PHF19: variants seen among roughly 807,000 people sequenced by gnomAD.
PHF19 encodes the protein polycomb like 3.
In PHF19, 21 loss-of-function variants were observed where a neutral mutation model predicts 79.8. The observed-to-expected ratio is 0.26, with a 90% confidence interval of 0.19 to 0.38. The LOEUF (loss-of-function observed/expected upper bound fraction) is 0.38, where lower values mean the gene tolerates loss of function less well. Ranked by LOEUF, PHF19 falls within the 10% of genes least tolerant of loss-of-function variation. PHF19 has a pLI of 1.00. For missense variants in PHF19, 445 were observed against 744.2 expected (o/e 0.60, Z 4.68); for synonymous variants, 273 against 296.3 (o/e 0.92, Z 0.81).
At chr9:120,882,483 T>A (rs1329308135) in intron 1 of PHF19, among the ~76,000 whole-genome samples, 5 of 152,254 alleles carry the variant, frequency 3.3e-5, no homozygotes, top group Non-Finnish European at 7.3e-5. Context: ...ACAGTCATTA[T>A]TTTGAGAGAA....
intron 1 of PHF19, among the ~76,000 whole-genome samples, chr9:120,889,425 C>CAA (rs35061787): frequency 1.8e-4 from 18 of 100,226 alleles, no homozygotes; most frequent in African/African-American, 6.2e-4. Flanking sequence ...GTCTCCATCT[C>CAA]AAAAAAAAAA....
At position 120,869,456 on chromosome 9, in the gene PHF19, AG is replaced by A; in HGVS notation, c.466-127del. 7 of 1,328,426 alleles carry A rather than the reference AG, an allele frequency of 5.3e-6. No individual in the cohort carries two copies. Among genetic ancestry groups the A allele is most frequent in the Non-Finnish European group, 7.0e-6 (7 of 993,838 alleles). 82.3% of individuals were successfully genotyped at this position (1,328,426 alleles called of 1,614,324 possible). A position where few individuals can be genotyped will look rare whatever the true frequency, so the allele number is the denominator to read the frequency against. ...GACCCGCAGATATTCCAATATAGTC[AG>A]AAAAGCAAGGAGCTTTTTCTCATTA... On this transcript the variant is annotated intron_variant, in intron 5 of 14. Coordinates refer to ENST00000373896, the MANE Select transcript of PHF19 (RefSeq NM_015651.3). This position sits in a 1 kb window ranked among gnomAD's most constrained non-coding sequence, Gnocchi z 5.8.
At chr9:120,872,330 A>G (rs971529058) in intron 3 of PHF19, among the ~76,000 whole-genome samples, 2 of 152,194 alleles carry the variant, frequency 1.3e-5, no homozygotes, top group South Asian at 4.1e-4. Context: ...TCTGCCCGGA[A>G]GGGGCAGTTC....
At chr9:120,863,078 G>A (rs900784282) in intron 10 of PHF19, 8 of 308,930 alleles carry the variant, frequency 2.6e-5, no homozygotes, top group Non-Finnish European at 4.4e-5. Flanking sequence ...CTATGGTCAA[G>A]ATACTGGAAT....
chr9:120,880,885 A>G (rs948844000), upstream of PHF19, among the ~76,000 whole-genome samples: 4 of 151,622 alleles, frequency 2.6e-5, no homozygotes, highest in Non-Finnish European at 4.4e-5. Flanking sequence ...GATTGAGCCC[A>G]GGAGTTTGAG....
chr9:120,861,082 C>A lies in PHF19; in HGVS notation c.1304+7G>T. 1.3e-6 allele frequency: 2 copies of A among 1,550,198 alleles called. No individual in the cohort carries two copies. Among genetic ancestry groups the A allele is most frequent in the Non-Finnish European group, 1.8e-6 (2 of 1,121,618 alleles). ...GCAGACCTCTGTGCTAGGTCCCTCA[C>A]TGATACCTTTTTAAACTTTGAATTT... On this transcript the variant is annotated splice_region_variant and intron_variant, in intron 13 of 14. Coordinates refer to ENST00000373896, the MANE Select transcript of PHF19 (RefSeq NM_015651.3).
chr9:120,866,986 A>G lies in PHF19; in HGVS notation c.615-21T>C. ...ACCATCTGGAGAGACAGAGGAGCCAAGGTCAGCCAGGACCACACCCCCAGT... is the reference window on the plus strand; with the variant it reads ...ACCATCTGGAGAGACAGAGGAGCCAGGGTCAGCCAGGACCACACCCCCAGT... On this transcript the variant is annotated intron_variant, in intron 6 of 14. Transcript: ENST00000373896. This position sits in a 1 kb window ranked among gnomAD's most constrained non-coding sequence, Gnocchi z 5.2. 6.9e-7 allele frequency: 1 copy of G among 1,457,714 alleles called. No individual in the cohort carries two copies. The highest frequency in any genetic ancestry group is 1.7e-5 in the Admixed American group (1 of 59,774). 90.3% of individuals were successfully genotyped at this position (1,457,714 alleles called of 1,614,324 possible).
chr9:120,857,915 T>C lies in PHF19; in HGVS notation c.*29A>G, dbSNP rs775822063. On this transcript the variant is annotated 3_prime_UTR_variant, in exon 15 of 15. Coordinates refer to ENST00000373896, the MANE Select transcript of PHF19 (RefSeq NM_015651.3). Reference sequence around the variant, plus strand: ...GCTTCTGCTGCTCCTCCTTTGGTTTTCAGGACCCCTGGCACCCCCGGGGGC... The same window carrying C: ...GCTTCTGCTGCTCCTCCTTTGGTTTCCAGGACCCCTGGCACCCCCGGGGGC... 4 of 1,410,664 alleles carry C rather than the reference T, an allele frequency of 2.8e-6. No individual in the cohort carries two copies. Among genetic ancestry groups the C allele is most frequent in the Non-Finnish European group, 3.9e-6 (4 of 1,030,080 alleles). 87.4% of individuals were successfully genotyped at this position (1,410,664 alleles called of 1,614,324 possible).
At chr9:120,882,026 T>C (rs978499399), upstream of PHF19, among the ~76,000 whole-genome samples, 4 of 152,206 alleles carry the variant, frequency 2.6e-5, no homozygotes, top group Non-Finnish European at 5.9e-5. Flanking sequence ...TTCCAAAGTG[T>C]TGGGATTACA....
In PHF19 at chr9:120,858,227, G is replaced by A. The variant is rs763297374; in HGVS notation, c.1460C>T (p.Ala487Val). Residue 487 changes from alanine to valine, a missense_variant, in exon 15 of 15, where the codon GCA becomes GTA. Physicochemically the swap from Ala to Val is moderately conservative, Grantham distance 64. Around this residue, in one of 5 missense-constraint regions of PHF19, gnomAD observed 125 missense variants for 180.5 expected, o/e 0.69. Transcript: ENST00000373896. ...LAAKAYMPLRAKRWAAELDGR... is the reference protein window; with the variant it reads ...LAAKAYMPLRVKRWAAELDGR... ...ATCCAGCTCAGCTGCCCACCGCTTT[G>A]CCCGCAGGGGCATGTATGCCTTGGC... 3 of 1,572,200 alleles carry A rather than the reference G, an allele frequency of 1.9e-6. No homozygotes were observed. The highest frequency in any genetic ancestry group is 2.6e-6 in the Non-Finnish European group (3 of 1,152,804).
chr9:120,862,101 G>GT lies in PHF19; in HGVS notation c.1131-97dup, dbSNP rs2045546538. ...CGCCGCAGGGGCGGGGGTCACAGCA[G>GT]TTGGGGAGACAGGCTCTGAACACAG... On this transcript the variant is annotated intron_variant, in intron 11 of 14. Transcript: ENST00000373896. This position sits in a 1 kb window ranked among gnomAD's most constrained non-coding sequence, Gnocchi z 4.6. 5 of 855,212 alleles carry GT rather than the reference G, an allele frequency of 5.8e-6. No individual in the cohort carries two copies. The highest frequency in any genetic ancestry group is 1.0e-5 in the Non-Finnish European group (5 of 493,468). The allele number at this position is 855,212 out of a possible 1,614,324, so 53.0% of individuals were successfully genotyped here.
upstream of PHF19, among the ~76,000 whole-genome samples, chr9:120,881,296 C>A (rs2046180305): frequency 2.0e-5 from 3 of 151,782 alleles, no homozygotes; most frequent in Non-Finnish European, 4.4e-5. Flanking sequence ...TACAGGCACC[C>A]ACCACCACGC....
intron 10 of PHF19, 135 bp downstream of exon 10, chr9:120,863,914 C>G (rs970167423): frequency 1.3e-6 from 1 of 768,876 alleles, no homozygotes; most frequent in African/African-American, 1.7e-5. Flanking sequence ...CCCTGGATCT[C>G]GGAGAATGGA....
chr9:120,868,769 A>T, intron 6 of PHF19: 1 of 849,776 alleles, frequency 1.2e-6, no homozygotes, highest in Non-Finnish European at 1.4e-6. Flanking sequence ...CCTCCTCCCC[A>T]CCCCGCCCCT....
intron 1 of PHF19, among the ~76,000 whole-genome samples, chr9:120,888,010 T>C (rs945416129): frequency 6.6e-6 from 1 of 152,192 alleles, no homozygotes; most frequent in Non-Finnish European, 1.5e-5. Context: ...CACACGTCTG[T>C]CGCCCAGACT....
At chr9:120,865,434 T>C (rs537231974) in intron 9 of PHF19, among the ~76,000 whole-genome samples, 3 of 152,272 alleles carry the variant, frequency 2.0e-5, no homozygotes, top group Non-Finnish European at 2.9e-5. Context: ...AGCCAGGAAA[T>C]CTGGAGTGGG....
chr9:120,864,109 C>A lies in PHF19; in HGVS notation c.908G>T (p.Ser303Ile), dbSNP rs2131506177. Reference protein sequence around the residue: ...WELLQLGKLTSTPVTDRGPHL... With the variant: ...WELLQLGKLTITPVTDRGPHL... ...TGGTCCTCGATCTGTCACTGGGGTGCTGGTGAGCTGTGGGAGAGCAGGCCA... is the reference window on the plus strand; with the variant it reads ...TGGTCCTCGATCTGTCACTGGGGTGATGGTGAGCTGTGGGAGAGCAGGCCA... The change falls in exon 10 of 15, where the codon AGC (serine) becomes ATC (isoleucine). Residue 303 changes from serine to isoleucine, a missense_variant. Around this residue, in one of 5 missense-constraint regions of PHF19, gnomAD observed 167 missense variants for 375.8 expected, o/e 0.44. Coordinates refer to ENST00000373896, the MANE Select transcript of PHF19 (RefSeq NM_015651.3). The A allele has an allele frequency of 3.7e-6, 6 of 1,613,718 alleles. No individual in the cohort carries two copies. Among genetic ancestry groups the A allele is most frequent in the Non-Finnish European group, 5.1e-6 (6 of 1,179,790 alleles).
intron 14 of PHF19, 92 bp from the exon 15 acceptor site, chr9:120,858,378 A>C: frequency 1.0e-6 from 1 of 986,888 alleles, no homozygotes. Flanking sequence ...AGTACCAGGA[A>C]AGTGGAAGAG....
upstream of PHF19, among the ~76,000 whole-genome samples, chr9:120,898,175 G>A (rs187052944): frequency 1.8e-4 from 28 of 152,266 alleles, no homozygotes; most frequent in African/African-American, 6.7e-4. Flanking sequence ...GGAGTGCAAT[G>A]GCACGATCTC....
Sources: allele counts gnomAD v4.1 joint callset (sites outside exome capture counted in the v4.1 genomes callset), GRCh38; gene constraint gnomAD v4.1.1; regional missense constraint gnomAD v4.1.1; non-coding constraint Gnocchi (gnomAD v3.1); transcripts MANE v1.5; gene names NCBI Gene and HGNC (gene_info 2026-07-23, HGNC 2026-07-21).